The following CSMD1 variants were observed in gnomAD, a reference collection of about 807,000 sequenced individuals.
The protein encoded by CSMD1 is CUB and Sushi multiple domains 1.
A neutral mutation model predicts 417.5 loss-of-function variants in CSMD1; 213 were observed. The ratio of observed to expected loss-of-function variants is 0.51; its 90% CI spans 0.46 to 0.57. The LOEUF (loss-of-function observed/expected upper bound fraction) is 0.57. Among genes scored for constraint, CSMD1 ranks in the 20% least tolerant of loss-of-function variants. The probability of loss-of-function intolerance (pLI) is 0.00; values close to 1 mark genes in which losing one functional copy is unlikely to be tolerated. For synonymous variants in CSMD1, 2,862 were observed against 1,736.8 expected, an observed-to-expected ratio of 1.65 and a Z score of -16.11; for missense variants, 6,923 against 4,529.7, an observed-to-expected ratio of 1.53 and a Z score of -15.17.
At chr8:4,420,476 C>G (rs1797186128) in intron 2 of CSMD1, among the ~76,000 whole-genome samples, 1 of 151,994 alleles carries the variant, frequency 6.6e-6, no homozygotes, top group African/African-American at 2.4e-5. Flanking sequence ...CTCAACCCAT[C>G]ACGTCGGTAT....
chr8:4,003,181 C>G (rs943799321), intron 4 of CSMD1, among the ~76,000 whole-genome samples: 2 of 152,106 alleles, frequency 1.3e-5, no homozygotes, highest in South Asian at 2.1e-4. Context: ...ATCACGAGGT[C>G]AGGAGATCGA....
At chr8:3,371,407 A>G (rs1159400122) in intron 18 of CSMD1, among the ~76,000 whole-genome samples, 8 of 152,170 alleles carry the variant, frequency 5.3e-5, no homozygotes, top group African/African-American at 1.9e-4. Flanking sequence ...TAAGGAGCTC[A>G]CAATAGTGTC....
At chr8:4,284,060 T>G (rs920282821) in intron 3 of CSMD1, among the ~76,000 whole-genome samples, 1 of 151,680 alleles carries the variant, frequency 6.6e-6, no homozygotes, top group East Asian at 1.9e-4. Flanking sequence ...TTGTGAAACC[T>G]GGTCTCTACT....
chr8:4,321,583 C>A (rs1426974342), intron 3 of CSMD1, among the ~76,000 whole-genome samples: 1 of 152,096 alleles, frequency 6.6e-6, no homozygotes, highest in Non-Finnish European at 1.5e-5. Flanking sequence ...GTGTGAGTAT[C>A]TGGTATATAA....
At chr8:4,798,579 A>G (rs999128162) in intron 1 of CSMD1, among the ~76,000 whole-genome samples, 2 of 152,188 alleles carry the variant, frequency 1.3e-5, no homozygotes, top group Non-Finnish European at 2.9e-5. Flanking sequence ...AAACTCTCAA[A>G]AAGTTACCAC....
chr8:4,632,585 T>C, intron 2 of CSMD1, among the ~76,000 whole-genome samples: 1 of 152,124 alleles, frequency 6.6e-6, no homozygotes, highest in East Asian at 1.9e-4. Flanking sequence ...GGCACATTTC[T>C]TAGCCTCAGA....
intron 5 of CSMD1, among the ~76,000 whole-genome samples, chr8:3,842,768 T>C (rs779435697): frequency 3.9e-5 from 6 of 152,150 alleles, no homozygotes; most frequent in Non-Finnish European, 8.8e-5. Context: ...AGAGTTAATA[T>C]TTGATTTCAA....
intron 5 of CSMD1, among the ~76,000 whole-genome samples, chr8:3,968,983 G>T (rs1369354513): frequency 6.6e-6 from 1 of 152,154 alleles, no homozygotes; most frequent in Admixed American, 6.5e-5. Context: ...AGGGACAGTG[G>T]CTCATACCTG....
chr8:3,173,069 T>C (rs940217418), intron 37 of CSMD1, among the ~76,000 whole-genome samples: 4 of 152,178 alleles, frequency 2.6e-5, no homozygotes, highest in Non-Finnish European at 4.4e-5. Context: ...CAAAGACTTG[T>C]GGAGGACAAC....
chr8:4,047,209 T>C (rs760099625), intron 3 of CSMD1, among the ~76,000 whole-genome samples: 7 of 152,196 alleles, frequency 4.6e-5, no homozygotes, highest in Non-Finnish European at 1.0e-4. Flanking sequence ...GTAACTCATG[T>C]GTATTTCAGT....
intron 3 of CSMD1, among the ~76,000 whole-genome samples, chr8:4,085,766 G>C (rs1253709666): frequency 6.6e-6 from 1 of 152,142 alleles, no homozygotes; most frequent in African/African-American, 2.4e-5. Context: ...GTGGCTTCCA[G>C]AAGTTAAAGG....
chr8:3,903,291 T>A (rs543885473), intron 5 of CSMD1, among the ~76,000 whole-genome samples: 17 of 151,186 alleles, frequency 1.1e-4, no homozygotes, highest in African/African-American at 3.9e-4. Flanking sequence ...CCCACCCATG[T>A]GTTTTTAGAA....
At chr8:4,509,040 C>G (rs1358752516) in intron 2 of CSMD1, among the ~76,000 whole-genome samples, 3 of 151,672 alleles carry the variant, frequency 2.0e-5, no homozygotes, top group Admixed American at 6.6e-5. Flanking sequence ...GCAGGAATTC[C>G]AGAAGTGTGA....
At chr8:4,217,622 A>G (rs1367110126) in intron 3 of CSMD1, among the ~76,000 whole-genome samples, 1 of 151,798 alleles carries the variant, frequency 6.6e-6, no homozygotes, top group Non-Finnish European at 1.5e-5. Context: ...ATCTTTTGAG[A>G]AACTGTTGAA....
intron 18 of CSMD1, among the ~76,000 whole-genome samples, chr8:3,383,313 T>A (rs1810760648): frequency 6.6e-6 from 1 of 152,184 alleles, no homozygotes. Flanking sequence ...TGTTTAAAGT[T>A]TTTAGGAGAG....
intron 4 of CSMD1, among the ~76,000 whole-genome samples, chr8:4,014,756 G>A (rs1266879766): frequency 1.3e-5 from 2 of 152,132 alleles, no homozygotes; most frequent in African/African-American, 2.4e-5. Context: ...TCACAAAGAA[G>A]GGCATTTACC....
intron 10 of CSMD1, among the ~76,000 whole-genome samples, chr8:3,563,160 T>C (rs957038557): frequency 3.3e-5 from 5 of 152,120 alleles, no homozygotes; most frequent in African/African-American, 1.2e-4. Context: ...CTAATGTATT[T>C]GGCACTGTGT....
At chr8:4,470,829 T>G (rs1800487703) in intron 2 of CSMD1, among the ~76,000 whole-genome samples, 1 of 152,242 alleles carries the variant, frequency 6.6e-6, no homozygotes, top group Non-Finnish European at 1.5e-5. Flanking sequence ...GAATCGATGT[T>G]GTCTCTGGGC....
At chr8:2,986,687 G>A (rs546010237) in intron 54 of CSMD1, among the ~76,000 whole-genome samples, 2 of 152,056 alleles carry the variant, frequency 1.3e-5, no homozygotes, top group African/African-American at 4.8e-5. Context: ...TGTATTTTTA[G>A]TAGAGACGGG....
Sources: allele counts gnomAD v4.1 joint callset (sites outside exome capture counted in the v4.1 genomes callset), GRCh38; gene constraint gnomAD v4.1.1; transcripts MANE v1.5; gene names NCBI Gene and HGNC (gene_info 2026-07-23, HGNC 2026-07-21).